Variants in GDPD4 observed in about 807,000 individuals in gnomAD.
The protein encoded by GDPD4 is glycerophosphodiester phosphodiesterase 6.
GDPD4 carries 60 observed loss-of-function variants against 67.8 expected under a neutral mutation model. That is an observed-to-expected ratio of 0.88 (90% CI 0.72 to 1.10). The LOEUF (loss-of-function observed/expected upper bound fraction) is 1.10. Ranked by LOEUF, GDPD4 falls within the 50% of genes least tolerant of loss-of-function variation. The pLI is 0.00. For missense variants in GDPD4, 623 were observed against 613.9 expected, an observed-to-expected ratio of 1.01 and a Z score of -0.16; for synonymous variants, 212 against 210.9, an observed-to-expected ratio of 1.00 and a Z score of -0.04.
At chr11:77,230,651 T>A (rs1299451814) in intron 14 of GDPD4, among the ~76,000 whole-genome samples, 2 of 152,196 alleles carry the variant, frequency 1.3e-5, no homozygotes, top group East Asian at 3.9e-4. Flanking sequence ...CTCAAAGAAA[T>A]GACTGTCAAA....
chr11:77,258,342 C>T (rs1200263276), intron 11 of GDPD4, 44 bp downstream of exon 11: 2 of 1,592,474 alleles, frequency 1.3e-6, no homozygotes, highest in African/African-American at 2.7e-5. Flanking sequence ...TGATCTCTTA[C>T]AAAAATTCAA....
chr11:77,227,735 TCCCCCAACCCCA>T lies in GDPD4; in HGVS notation c.1525+117_1525+128del, dbSNP rs1958370666. 1.6e-5 allele frequency: 7 copies of T among 426,494 alleles called. No homozygotes were observed. The East Asian group carries it at 1.8e-4, about 11-fold the overall frequency. The allele number at this position is 426,494 out of a possible 1,614,324, so 26.4% of individuals were successfully genotyped here. A position where few individuals can be genotyped will look rare whatever the true frequency, so the allele number is the denominator to read the frequency against. Reference sequence around the variant, plus strand: ...CCCAGCCTATACTTCCCCTGGTCCCTCCCCCAACCCCACCCCCAACTTTCCAGACACCCTCAG... The same window carrying T: ...CCCAGCCTATACTTCCCCTGGTCCCTCCCCCAACTTTCCAGACACCCTCAG... On this transcript the variant is annotated intron_variant, in intron 16 of 16. Coordinates refer to ENST00000315938, the MANE Select transcript of GDPD4 (RefSeq NM_182833.3).
At position 77,217,131 on chromosome 11, in the gene GDPD4, G is replaced by GTAGTT. The variant is rs1209258045; in HGVS notation, c.*141_*145dup. Reference sequence around the variant, plus strand: ...GGTGTGACAGCATTCTTGATAGGTAGTAGTTTCTTGGATGGTGCTGCAAAA... The same window carrying GTAGTT: ...GGTGTGACAGCATTCTTGATAGGTAGTAGTTTAGTTTCTTGGATGGTGCTGCAAAA... On this transcript the variant is annotated 3_prime_UTR_variant, in exon 17 of 17. Transcript: ENST00000315938. The GTAGTT allele has an allele frequency of 9.6e-6, 7 of 732,800 alleles. No individual in the cohort carries two copies. The highest frequency in any genetic ancestry group is 4.6e-4 in the Middle Eastern group (2 of 4,394). The allele number at this position is 732,800 out of a possible 1,614,324, so 45.4% of individuals were successfully genotyped here.
chr11:77,235,009 G>GTTTTTTGTTT (rs1958524952), intron 13 of GDPD4, among the ~76,000 whole-genome samples: 9 of 52,250 alleles, frequency 1.7e-4, no homozygotes, highest in African/African-American at 5.7e-4. Flanking sequence ...GTCAATATCT[G>GTTTTTTGTTT]TTTTTTTTTT....
chr11:77,280,320 C>T (rs142970682), intron 3 of GDPD4, among the ~76,000 whole-genome samples: 1,951 of 151,878 alleles, frequency 0.013, 14 homozygotes, highest in Middle Eastern at 0.017. Context: ...TTAAGATCTT[C>T]CATGATGTAA....
intron 13 of GDPD4, among the ~76,000 whole-genome samples, chr11:77,237,627 C>G (rs867906064): frequency 1.3e-5 from 2 of 152,082 alleles, no homozygotes. Flanking sequence ...TCACAATAAG[C>G]TTAAATTAGA....
At chr11:77,273,771 G>C (rs1959324630) in intron 5 of GDPD4, among the ~76,000 whole-genome samples, 1 of 152,106 alleles carries the variant, frequency 6.6e-6, no homozygotes, top group Non-Finnish European at 1.5e-5. Context: ...GTATAATATA[G>C]AAGAAATAAT....
At chr11:77,219,167 C>G (rs1359827600) in intron 16 of GDPD4, among the ~76,000 whole-genome samples, 3 of 152,180 alleles carry the variant, frequency 2.0e-5, no homozygotes, top group Non-Finnish European at 4.4e-5. Flanking sequence ...TTTCATGTGT[C>G]TGTTGGCTGC....
chr11:77,300,710 T>C (rs1938132012), intron 1 of GDPD4, among the ~76,000 whole-genome samples: 1 of 152,222 alleles, frequency 6.6e-6, no homozygotes, highest in South Asian at 2.1e-4. Context: ...CCTTGACATC[T>C]TAAGAATATA....
chr11:77,263,069 A>T (rs57129983), intron 10 of GDPD4, among the ~76,000 whole-genome samples: 51,891 of 151,832 alleles, frequency 0.34, 9,144 homozygotes, highest in Admixed American at 0.46. Context: ...AAAATATTTC[A>T]TACAAACAAA....
chr11:77,261,116 A>C (rs1959107006), intron 10 of GDPD4, among the ~76,000 whole-genome samples: 1 of 152,228 alleles, frequency 6.6e-6, no homozygotes, highest in Non-Finnish European at 1.5e-5. Context: ...ACTTAGACTC[A>C]ATGAAATTAC....
intron 3 of GDPD4, among the ~76,000 whole-genome samples, chr11:77,280,706 G>A (rs1198354018): frequency 6.6e-6 from 1 of 152,138 alleles, no homozygotes; most frequent in African/African-American, 2.4e-5. Flanking sequence ...CCAAACTCAA[G>A]TGAAGTTCCC....
rs905806159 is a variant in GDPD4 at position 77,276,171 on chromosome 11, A to G, written c.197T>C (p.Leu66Ser). 3 of 1,613,084 alleles carry G rather than the reference A, an allele frequency of 1.9e-6. No individual in the cohort carries two copies. The African/African-American group carries it at 4.0e-5, about 22-fold the overall frequency. ...ACTCAGATGTCCTACCTTATGACAC[A>G]AGTGCAGGTATAGTTCAATCCTTTC... ...LWERIELYLH[L>S]CHKILILLVI... The change falls in exon 5 of 17, where the codon TTG becomes TCG. Residue 66 changes from leucine to serine, a missense_variant. By Grantham distance (145) the Leu-to-Ser change is moderately radical (BLOSUM62 -2). Transcript: ENST00000315938.
chr11:77,237,709 T>C (rs888707728), intron 13 of GDPD4, among the ~76,000 whole-genome samples: 1 of 152,224 alleles, frequency 6.6e-6, no homozygotes, highest in African/African-American at 2.4e-5. Context: ...AAATAATCCA[T>C]GAGTCTAATG....
chr11:77,288,307 C>T (rs569777978), intron 1 of GDPD4, among the ~76,000 whole-genome samples: 1 of 152,306 alleles, frequency 6.6e-6, no homozygotes, highest in African/African-American at 2.4e-5. Context: ...ACTGCTAACA[C>T]TGCCAGTACC....
intron 11 of GDPD4, among the ~76,000 whole-genome samples, chr11:77,248,839 A>C (rs1275016014): frequency 1.3e-5 from 2 of 150,028 alleles, no homozygotes; most frequent in East Asian, 4.0e-4. Flanking sequence ...CTCCTGCCTC[A>C]GCCTCCCGAG....
At chr11:77,250,980 C>G (rs1958883022) in intron 11 of GDPD4, among the ~76,000 whole-genome samples, 1 of 151,962 alleles carries the variant, frequency 6.6e-6, no homozygotes, top group Non-Finnish European at 1.5e-5. Context: ...TTCCTGCTTG[C>G]TTTTGGTTTC....
Position 77,276,217 on chromosome 11 carries a change from G to A in GDPD4, c.151C>T (p.Leu51Phe). ...LTAYSSLLLL[L>F]GFLLLWERIE... is the part of the protein sequence containing the mutation. ...CTTTCCCAAAGCAACAAAAATCCAAGTAACTGCAAAAGCAAAGAAGAAAAA... is the reference window on the plus strand; with the variant it reads ...CTTTCCCAAAGCAACAAAAATCCAAATAACTGCAAAAGCAAAGAAGAAAAA... The change falls in exon 5 of 17, where the codon CTT becomes TTT. Residue 51 changes from leucine (L) to phenylalanine (F), a missense_variant. Physicochemically the swap from Leu to Phe is conservative, Grantham distance 22. Transcript: ENST00000315938. 6.2e-7 allele frequency: 1 copy of A among 1,613,166 alleles called. No individual in the cohort carries two copies. Among genetic ancestry groups the A allele is most frequent in the South Asian group, 1.1e-5 (1 of 91,054 alleles).
chr11:77,244,851 T>C (rs79255515), intron 12 of GDPD4, among the ~76,000 whole-genome samples: 2 of 152,156 alleles, frequency 1.3e-5, no homozygotes, highest in African/African-American at 2.4e-5. Context: ...AAATGCAGAG[T>C]TGCTTCTGAA....
Sources: allele counts gnomAD v4.1 joint callset (sites outside exome capture counted in the v4.1 genomes callset), GRCh38; gene constraint gnomAD v4.1.1; transcripts MANE v1.5; gene names NCBI Gene and HGNC (gene_info 2026-07-23, HGNC 2026-07-21).